Variants in CLOCK observed in about 807,000 individuals in gnomAD.
CLOCK encodes clock circadian regulator, also known as circadian locomoter output cycles protein kaput.
In CLOCK, 43 loss-of-function variants were observed where a neutral mutation model predicts 118.4. That is an observed-to-expected ratio of 0.36 (90% CI 0.28 to 0.47). The LOEUF (loss-of-function observed/expected upper bound fraction) is 0.47. Among genes scored for constraint, CLOCK ranks in the 20% least tolerant of loss-of-function variants. The pLI is 1.00. For synonymous variants in CLOCK, 326 were observed against 339.2 expected (o/e 0.96, Z 0.43); for missense variants, 846 against 999.9 (o/e 0.85, Z 2.08).
At chr4:55,540,780 A>C (rs1731221346) in intron 1 of CLOCK, 1 of 152,284 alleles carries the variant, frequency 6.6e-6, no homozygotes, top group Admixed American at 6.5e-5. Context: ...AGATGAGCTG[A>C]ATCAACCCTG....
At chr4:55,506,232 G>C (rs1436702659) in intron 2 of CLOCK, among the ~76,000 whole-genome samples, 1 of 151,730 alleles carries the variant, frequency 6.6e-6, no homozygotes, top group Non-Finnish European at 1.5e-5. Context: ...TTGTTTTTTT[G>C]AGACAGGGCC....
intron 2 of CLOCK, among the ~76,000 whole-genome samples, chr4:55,501,401 T>C (rs1043039994): frequency 1.3e-5 from 2 of 152,196 alleles, no homozygotes; most frequent in African/African-American, 4.8e-5. Context: ...CTTTTTAGTA[T>C]TTATTTATAT....
chr4:55,473,082 C>T (rs114069431), intron 7 of CLOCK, among the ~76,000 whole-genome samples: 3,836 of 152,080 alleles, frequency 0.025, 158 homozygotes, highest in African/African-American at 0.087. Flanking sequence ...AAAATTAGCT[C>T]GGCGTGGTGA....
At chr4:55,471,112 T>G (rs1034075379) in intron 7 of CLOCK, among the ~76,000 whole-genome samples, 1 of 152,208 alleles carries the variant, frequency 6.6e-6, no homozygotes, top group African/African-American at 2.4e-5. Context: ...TACAGTATTA[T>G]GGCTTATTTG....
Position 55,458,974 on chromosome 4 carries a change from A to G in CLOCK, c.710T>C (p.Ile237Thr), listed in dbSNP as rs1725111696. Residue 237 changes from isoleucine (I) to threonine (T), a missense_variant, in exon 11 of 23, where the codon ATA becomes ACA. Around this residue, in one of 4 missense-constraint regions of CLOCK, gnomAD observed 246 missense variants for 300.2 expected, o/e 0.82. Transcript: ENST00000513440. ...ATAAGATGGCCTATGTGTGCGTTGT[A>G]TAGTTCCTTCAAAACCATTGTGTGC... ...SSAHNGFEGT[I>T]QRTHRPSYED... 2 of 1,613,870 alleles carry G rather than the reference A, an allele frequency of 1.2e-6. No individual in the cohort carries two copies. The highest frequency in any genetic ancestry group is 1.7e-6 in the Non-Finnish European group (2 of 1,179,906).
intron 1 of CLOCK, among the ~76,000 whole-genome samples, chr4:55,514,191 T>C (rs1008141832): frequency 6.6e-6 from 1 of 152,136 alleles, no homozygotes; most frequent in Admixed American, 6.5e-5. Context: ...TTCCTGATCT[T>C]ACTGGGAATC....
At chr4:55,525,076 A>G (rs999014732) in intron 1 of CLOCK, among the ~76,000 whole-genome samples, 1 of 152,252 alleles carries the variant, frequency 6.6e-6, no homozygotes, top group African/African-American at 2.4e-5. Context: ...GAAATGAAAC[A>G]AATCTTAGTA....
chr4:55,447,729 T>A (rs1012482125), intron 18 of CLOCK, among the ~76,000 whole-genome samples: 1 of 152,184 alleles, frequency 6.6e-6, no homozygotes, highest in Non-Finnish European at 1.5e-5. Context: ...TCCTATCATA[T>A]ATGTATGACT....
chr4:55,440,018 A>T (rs150818362), intron 21 of CLOCK, among the ~76,000 whole-genome samples: 10 of 152,118 alleles, frequency 6.6e-5, no homozygotes, highest in African/African-American at 1.2e-4. Context: ...CACAATAAAA[A>T]TTTTTTTTAA....
intron 22 of CLOCK, among the ~76,000 whole-genome samples, chr4:55,436,892 C>CTT (rs35888413): frequency 0.23 from 22,926 of 98,078 alleles, 2,890 homozygotes; most frequent in East Asian, 0.43. Context: ...TTTGGGATGC[C>CTT]TTTTTTTTTT....
rs758731429 is a variant in CLOCK, at chr4:55,458,917, C to T, written c.767G>A (p.Arg256Lys). ...EDRVCFVATV[R>K]LATPQFIKEM... ...CTTGATGAACTGAGGTGTAGCTAAC[C>T]TGACAGTAGCTACAAAACAAACTCT... The change falls in exon 11 of 23, where the codon AGG becomes AAG. Residue 256 changes from arginine (R) to lysine (K), a missense_variant. By Grantham distance (26) the Arg-to-Lys change is conservative. Transcript: ENST00000513440. The T allele has an allele frequency of 3.7e-6, 6 of 1,611,342 alleles. No homozygotes were observed. Among genetic ancestry groups the T allele is most frequent in the South Asian group, 1.1e-5 (1 of 91,030 alleles).
chr4:55,531,606 G>A (rs1263405195), intron 1 of CLOCK, among the ~76,000 whole-genome samples: 1 of 148,300 alleles, frequency 6.7e-6, no homozygotes, highest in African/African-American at 2.5e-5. Flanking sequence ...TCTGGAAGCT[G>A]AGGCAGGAGA....
In CLOCK at chr4:55,428,220, T is replaced by A. The variant is rs1722316736; in HGVS notation, c.*7195A>T. The A allele has an allele frequency of 6.6e-6, 1 of 152,202 alleles. No homozygotes were observed. The allele number at this position is 152,202 out of a possible 1,614,324, so 9.4% of individuals were successfully genotyped here. A position where few individuals can be genotyped will look rare whatever the true frequency, so the allele number is the denominator to read the frequency against. On this transcript the variant is annotated 3_prime_UTR_variant, in exon 23 of 23. Transcript: ENST00000513440. The stretch of plus-strand genomic sequence containing the variant: ...AAGCTATGCACATCATAACCTGGAA[T>A]AATGATTACACAGCAAGAGGCCTGA...
intron 2 of CLOCK, among the ~76,000 whole-genome samples, chr4:55,492,371 G>A (rs58894703): frequency 0.58 from 85,438 of 146,964 alleles, 26,314 homozygotes; most frequent in South Asian, 0.81. Context: ...AAAAAAAAAC[G>A]CCATTCAACA....
At chr4:55,528,610 A>G (rs1730348977) in intron 1 of CLOCK, among the ~76,000 whole-genome samples, 1 of 152,190 alleles carries the variant, frequency 6.6e-6, no homozygotes, top group African/African-American at 2.4e-5. Flanking sequence ...TGGAGAACAG[A>G]AAGCAGACCC....
chr4:55,508,890 C>T (rs7681414), intron 2 of CLOCK, among the ~76,000 whole-genome samples: 3 of 151,912 alleles, frequency 2.0e-5, no homozygotes, highest in African/African-American at 7.3e-5. Flanking sequence ...AGACATATGT[C>T]GTGGGGATAC....
At chr4:55,519,860 C>T (rs1211189136) in intron 1 of CLOCK, among the ~76,000 whole-genome samples, 1 of 151,994 alleles carries the variant, frequency 6.6e-6, no homozygotes, top group Admixed American at 6.6e-5. Flanking sequence ...GCAATGATGA[C>T]AGGAGGGGTG....
At position 55,432,990 on chromosome 4, in the gene CLOCK, G is replaced by A. The variant is rs1560406278; in HGVS notation, c.*2425C>T. On this transcript the variant is annotated 3_prime_UTR_variant, in exon 23 of 23. Coordinates refer to ENST00000513440, the MANE Select transcript of CLOCK (RefSeq NM_004898.4). ...GTACTCACAGTTCACCATCTTTTAA[G>A]TGTGGTATGTAGAGGACAGGCCTCA... is the stretch of plus-strand genomic sequence containing the variant. 1 of 152,678 alleles carries A rather than the reference G, an allele frequency of 6.5e-6. No individual in the cohort carries two copies. The allele number at this position is 152,678 out of a possible 1,614,324, so 9.5% of individuals were successfully genotyped here.
chr4:55,455,841 C>T (rs565655445), intron 13 of CLOCK, 56 bp downstream of exon 13: 11 of 1,139,282 alleles, frequency 9.7e-6, no homozygotes, highest in Non-Finnish European at 1.3e-5. Flanking sequence ...CATTTCAGGA[C>T]AGGACTTCTG....
Sources: gnomAD v4.1 joint callset for allele counts (sites outside exome capture counted in the v4.1 genomes callset) on GRCh38, gnomAD v4.1.1 for gene constraint, gnomAD v4.1.1 regional missense constraint, MANE v1.5 for transcripts, NCBI Gene and HGNC (gene_info 2026-07-23, HGNC 2026-07-21) for gene names.